Variants in MSN observed in about 807,000 individuals in gnomAD.
The protein encoded by MSN is moesin, also known as epididymis luminal protein 70.
A neutral mutation model predicts 48.0 loss-of-function variants in MSN; 2 were observed. That is an observed-to-expected ratio of 0.04 (90% CI 0.02 to 0.13). MSN has a LOEUF of 0.13. MSN is among the 10% of genes least tolerant of loss of function. The pLI, the probability that MSN is intolerant of heterozygous loss-of-function variation, is 1.00. For missense variants in MSN, 267 were observed against 470.1 expected (o/e 0.57, Z 3.99); for synonymous variants, 146 against 166.9 (o/e 0.87, Z 0.97).
At chrX:65,665,182 A>G (rs777807308), upstream of MSN, among the ~76,000 whole-genome samples, 16 of 111,806 alleles carry the variant, frequency 1.4e-4, no homozygotes, top group Non-Finnish European at 2.4e-4. Flanking sequence ...CTTTCCAGAA[A>G]GTTGGAGTCG....
chrX:65,633,301 A>G (rs2148366385), intron 1 of MSN, among the ~76,000 whole-genome samples: 1 of 111,873 alleles, frequency 8.9e-6, no homozygotes, highest in Admixed American at 9.5e-5. Context: ...CCCACTGGAA[A>G]GGAGGTGACT....
At chrX:65,671,887 TC>T (rs2070945727) in intron 1 of MSN, among the ~76,000 whole-genome samples, 1 of 112,056 alleles carries the variant, frequency 8.9e-6, no homozygotes, top group South Asian at 3.7e-4. Flanking sequence ...CTTCTAACTT[TC>T]CATTCTCTAG....
chrX:65,608,175 A>T (rs1442038861), intron 1 of MSN, among the ~76,000 whole-genome samples: 1 of 111,348 alleles, frequency 9.0e-6, no homozygotes, highest in East Asian at 2.8e-4. Context: ...ATCTTTGGAT[A>T]TGGGCTGGGC....
intron 4 of MSN, among the ~76,000 whole-genome samples, chrX:65,730,261 C>T (rs758274766): frequency 2.7e-5 from 3 of 111,843 alleles, no homozygotes; most frequent in Non-Finnish European, 5.6e-5. Context: ...TATTTCCTGG[C>T]GAAGGAAATA....
rs1026325535 is a variant in MSN at position 65,592,443 on chromosome X, C to G, written c.-22+3831C>G. 1.8e-5 allele frequency among the ~76,000 whole-genome samples: 2 copies of G among 109,054 alleles called. 1 individual carries two copies. The highest frequency in any genetic ancestry group is 2.0e-4 in the Admixed American group (2 of 10,179). The allele number at this position is 109,054 out of a possible 115,157, so 94.7% of individuals were successfully genotyped here. Reference sequence around the variant, plus strand: ...ACTCCTGACCTCGTGATCTGCCCACCTCGGCCTTCCAAAGTGCTGGGATTA... The same window carrying G: ...ACTCCTGACCTCGTGATCTGCCCACGTCGGCCTTCCAAAGTGCTGGGATTA... On this transcript the variant is annotated intron_variant, in intron 1 of 3. Transcript: ENST00000609672.
chrX:65,607,499 A>G (rs1267489074), intron 1 of MSN, among the ~76,000 whole-genome samples: 2 of 111,465 alleles, frequency 1.8e-5, no homozygotes, highest in African/African-American at 3.3e-5. Context: ...AGGGTCAGGG[A>G]AGGAGTCACC....
At chrX:65,589,416 G>A (rs1041591475) in intron 1 of MSN, among the ~76,000 whole-genome samples, 4 of 111,907 alleles carry the variant, frequency 3.6e-5, no homozygotes, top group Non-Finnish European at 7.5e-5. Context: ...TCCTGGAATC[G>A]CTGGGCCCAG....
At chrX:65,695,370 CAT>C (rs2071223896) in intron 1 of MSN, among the ~76,000 whole-genome samples, 1 of 109,517 alleles carries the variant, frequency 9.1e-6, no homozygotes, top group Non-Finnish European at 1.9e-5. Context: ...CGTGGTGGCA[CAT>C]GCCTGTGATC....
intron 1 of MSN, among the ~76,000 whole-genome samples, chrX:65,603,403 T>C (rs933648262): frequency 9.0e-6 from 1 of 111,283 alleles, no homozygotes; most frequent in Non-Finnish European, 1.9e-5. Context: ...GTAGTAGGGG[T>C]AGTATGTACT....
chrX:65,651,955 T>C (rs1052721639), intron 1 of MSN, among the ~76,000 whole-genome samples: 4 of 106,794 alleles, frequency 3.7e-5, no homozygotes, highest in African/African-American at 1.4e-4. Context: ...TCTAGTCATA[T>C]TAACACCATC....
At chrX:65,701,352 C>T in intron 1 of MSN, among the ~76,000 whole-genome samples, 1 of 111,678 alleles carries the variant, frequency 9.0e-6, no homozygotes, top group East Asian at 2.8e-4. Context: ...AAGTCTCCTC[C>T]TCTTCCTGCC....
At chrX:65,651,121 T>C (rs2070738449) in intron 1 of MSN, among the ~76,000 whole-genome samples, 1 of 110,562 alleles carries the variant, frequency 9.0e-6, no homozygotes, top group African/African-American at 3.3e-5. Context: ...AATATATTAA[T>C]AGGTTTTGAA....
chrX:65,654,969 G>GA (rs1362023953), intron 1 of MSN, among the ~76,000 whole-genome samples: 6 of 111,100 alleles, frequency 5.4e-5, no homozygotes, highest in African/African-American at 2.0e-4. Context: ...GGGGAGTGGT[G>GA]AAAAAATATA....
chrX:65,737,716 C>T (rs958564821), intron 10 of MSN, among the ~76,000 whole-genome samples: 1 of 112,258 alleles, frequency 8.9e-6, no homozygotes, highest in Non-Finnish European at 1.9e-5. Flanking sequence ...ATGGGATTAA[C>T]CTCATATGAG....
intron 4 of MSN, among the ~76,000 whole-genome samples, chrX:65,730,076 A>T (rs909510102): frequency 9.0e-6 from 1 of 111,610 alleles, no homozygotes; most frequent in African/African-American, 3.3e-5. Flanking sequence ...CACAGGGGAG[A>T]GAGAGAAATA....
At chrX:65,601,177 A>G (rs1291730377) in intron 1 of MSN, among the ~76,000 whole-genome samples, 3 of 111,807 alleles carry the variant, frequency 2.7e-5, no homozygotes, top group Non-Finnish European at 5.6e-5. Context: ...GAGGGCTTAT[A>G]CTGCTCTGAC....
chrX:65,737,065 C>A, intron 9 of MSN, 113 bp from the exon 10 acceptor site: 2 of 1,124,862 alleles, frequency 1.8e-6, no homozygotes, highest in Non-Finnish European at 2.4e-6. Flanking sequence ...AAGAAGAGAG[C>A]TCAGAACTTT....
intron 3 of MSN, 113 bp from the exon 4 acceptor site, chrX:65,729,325 C>T: frequency 4.7e-6 from 4 of 856,122 alleles, no homozygotes; most frequent in Non-Finnish European, 6.5e-6. Flanking sequence ...TGCCACCCAG[C>T]TGTCTAAGAT....
rs765396215 is a variant in MSN, at chrX:65,685,865, C to T, written c.12+18012C>T. On this transcript the variant is annotated intron_variant, in intron 1 of 12. Transcript: ENST00000360270. ...CCTCCCAAAGTGTTGGGATTGCAGG[C>T]GTGAGCCACCACGCCTCAGCCACTG... is the stretch of plus-strand genomic sequence containing the variant. Among the ~76,000 whole-genome samples, 12 of 112,813 alleles carry T rather than the reference C, an allele frequency of 1.1e-4. No individual in the cohort carries two copies. In the South Asian group the frequency reaches 1.8e-3, roughly 17 times the overall value.
Sources: gnomAD v4.1 joint callset for allele counts (sites outside exome capture counted in the v4.1 genomes callset) on GRCh38, gnomAD v4.1.1 for gene constraint, MANE v1.5 for transcripts, NCBI Gene and HGNC (gene_info 2026-07-23, HGNC 2026-07-21) for gene names.